Variants in ROCK2 observed in about 807,000 individuals in gnomAD.
ROCK2 encodes Rho associated coiled-coil containing protein kinase 2, also known as rho-associated protein kinase 2.
In ROCK2, 61 loss-of-function variants were observed where a neutral mutation model predicts 195.1. That is an observed-to-expected ratio of 0.31 (90% CI 0.25 to 0.39). The LOEUF is 0.39. Ranked by LOEUF, ROCK2 falls within the 10% of genes least tolerant of loss-of-function variation. ROCK2 has a pLI of 1.00. For synonymous variants in ROCK2, 504 were observed against 545.5 expected (o/e 0.92, Z 1.06); for missense variants, 1,109 against 1,637.4 (o/e 0.68, Z 5.57).
At chr2:11,211,965 G>A (rs1664263894) in intron 17 of ROCK2, 125 bp from the exon 18 acceptor site, 2 of 659,364 alleles carry the variant, frequency 3.0e-6, no homozygotes, top group Non-Finnish European at 4.7e-6. Context: ...AAGTGCAGTG[G>A]TTTGATTATG....
At chr2:11,246,250 G>T (rs918281773) in intron 4 of ROCK2, among the ~76,000 whole-genome samples, 1 of 152,122 alleles carries the variant, frequency 6.6e-6, no homozygotes, top group Non-Finnish European at 1.5e-5. Flanking sequence ...AAAAATACAA[G>T]TGAGAGAGAA....
chr2:11,208,808 G>C (rs946793911), intron 18 of ROCK2, among the ~76,000 whole-genome samples: 8 of 152,058 alleles, frequency 5.3e-5, no homozygotes, highest in African/African-American at 1.4e-4. Context: ...GGCCAGGCTG[G>C]TCTCAAACTC....
chr2:11,186,616 A>C (rs1337809094), intron 32 of ROCK2, among the ~76,000 whole-genome samples: 1 of 152,156 alleles, frequency 6.6e-6, no homozygotes, highest in Admixed American at 6.5e-5. Context: ...TCTACTTATA[A>C]ATCAAAACTC....
chr2:11,274,331 T>A (rs1666752951), intron 3 of ROCK2, among the ~76,000 whole-genome samples: 1 of 152,102 alleles, frequency 6.6e-6, no homozygotes, highest in Admixed American at 6.6e-5. Flanking sequence ...AAAAGTTGGT[T>A]CTTTGAAACA....
chr2:11,244,773 GA>G (rs551611041), intron 4 of ROCK2, among the ~76,000 whole-genome samples: 8 of 142,000 alleles, frequency 5.6e-5, no homozygotes, highest in East Asian at 4.0e-4. Context: ...CTAGAAAAAA[GA>G]AAAAAAAAAG....
At chr2:11,270,452 G>T (rs561798710) in intron 3 of ROCK2, among the ~76,000 whole-genome samples, 1 of 152,060 alleles carries the variant, frequency 6.6e-6, no homozygotes, top group South Asian at 2.1e-4. Context: ...TTCTTCTGTT[G>T]TTTTTTTCTT....
intron 1 of ROCK2, chr2:11,308,161 C>T: frequency 2.5e-6 from 4 of 1,604,580 alleles, no homozygotes; most frequent in South Asian, 1.1e-5. Context: ...CAAAAAGAGG[C>T]CCAAGCTCAA....
At chr2:11,250,864 A>G (rs563145865) in intron 3 of ROCK2, among the ~76,000 whole-genome samples, 1 of 152,248 alleles carries the variant, frequency 6.6e-6, no homozygotes, top group African/African-American at 2.4e-5. Context: ...CAGCCTAGTC[A>G]TCCTTCTAGA....
intron 1 of ROCK2, among the ~76,000 whole-genome samples, chr2:11,291,361 C>T (rs894815770): frequency 2.0e-5 from 3 of 152,172 alleles, no homozygotes; most frequent in Non-Finnish European, 4.4e-5. Flanking sequence ...ACCATCCTGG[C>T]TAACACGGTG....
chr2:11,258,000 A>T (rs1186606542), intron 3 of ROCK2, among the ~76,000 whole-genome samples: 1 of 151,430 alleles, frequency 6.6e-6, no homozygotes, highest in Non-Finnish European at 1.5e-5. Flanking sequence ...TATTTACAGA[A>T]AGTGTATTTT....
chr2:11,345,187 C>T (rs1669266994), upstream of ROCK2, among the ~76,000 whole-genome samples: 1 of 152,226 alleles, frequency 6.6e-6, no homozygotes, highest in African/African-American at 2.4e-5. Context: ...TCTGGGATTC[C>T]GAATTAGCGG....
At chr2:11,272,610 T>C (rs183682324) in intron 3 of ROCK2, among the ~76,000 whole-genome samples, 2 of 152,154 alleles carry the variant, frequency 1.3e-5, no homozygotes, top group African/African-American at 4.8e-5. Context: ...CCGGCTGCAG[T>C]GGTTCACGCC....
intron 3 of ROCK2, among the ~76,000 whole-genome samples, chr2:11,278,554 T>C (rs1417894591): frequency 6.6e-6 from 1 of 152,238 alleles, no homozygotes; most frequent in Non-Finnish European, 1.5e-5. Flanking sequence ...TAAATAATGA[T>C]TTCACTTCCT....
chr2:11,236,845 AGAC>A (rs1665224472), intron 4 of ROCK2, among the ~76,000 whole-genome samples: 1 of 152,210 alleles, frequency 6.6e-6, no homozygotes, highest in Admixed American at 6.5e-5. Context: ...GACAAACCGA[AGAC>A]AGCTTTAAAA....
chr2:11,188,772 T>C (rs1416192336), intron 32 of ROCK2, among the ~76,000 whole-genome samples: 1 of 151,026 alleles, frequency 6.6e-6, no homozygotes, highest in East Asian at 2.0e-4. Context: ...TACAAGTGCC[T>C]GCCACCACGC....
At chr2:11,224,925 G>C (rs1156619485) in intron 6 of ROCK2, among the ~76,000 whole-genome samples, 1 of 152,048 alleles carries the variant, frequency 6.6e-6, no homozygotes, top group East Asian at 1.9e-4. Flanking sequence ...TAAATAAAAT[G>C]AAAAACACAA....
chr2:11,314,674 C>T (rs1668137394), intron 1 of ROCK2, among the ~76,000 whole-genome samples: 2 of 151,942 alleles, frequency 1.3e-5, no homozygotes, highest in South Asian at 2.1e-4. Context: ...TCTCAGCACC[C>T]ATGATTCACT....
At chr2:11,256,859 C>T (rs930429785) in intron 3 of ROCK2, among the ~76,000 whole-genome samples, 2 of 151,164 alleles carry the variant, frequency 1.3e-5, no homozygotes, top group African/African-American at 4.9e-5. Flanking sequence ...AAGAAAGAAA[C>T]GGACAAATCT....
At chr2:11,194,657 G>C (rs570382326) in intron 28 of ROCK2, among the ~76,000 whole-genome samples, 28 of 151,854 alleles carry the variant, frequency 1.8e-4, no homozygotes, top group African/African-American at 5.8e-4. Flanking sequence ...TAGTAACAGA[G>C]GAAAATAAAT....
Sources: allele counts gnomAD v4.1 joint callset (sites outside exome capture counted in the v4.1 genomes callset), GRCh38; gene constraint gnomAD v4.1.1; transcripts MANE v1.5; gene names NCBI Gene and HGNC (gene_info 2026-07-23, HGNC 2026-07-21).